RUNX2: variants seen among roughly 807,000 people sequenced by gnomAD.
The protein encoded by RUNX2 is runt-related transcription factor 2.
In RUNX2, 10 loss-of-function variants were observed where a neutral mutation model predicts 51.7. That is an observed-to-expected ratio of 0.19 (90% CI 0.12 to 0.33). The LOEUF (loss-of-function observed/expected upper bound fraction) is 0.33. Among genes scored for constraint, RUNX2 ranks in the 10% least tolerant of loss-of-function variants. The probability of loss-of-function intolerance (pLI) is 1.00; values close to 1 mark genes in which losing one functional copy is unlikely to be tolerated. For missense variants in RUNX2, 562 were observed against 691.3 expected, an observed-to-expected ratio of 0.81 and a Z score of 2.10; for synonymous variants, 276 against 273.6, an observed-to-expected ratio of 1.01 and a Z score of -0.09.
intron 2 of RUNX2, among the ~76,000 whole-genome samples, chr6:45,391,995 C>A (rs1010103946): frequency 3.3e-5 from 5 of 152,152 alleles, no homozygotes; most frequent in African/African-American, 4.8e-5. Context: ...TCACCAGTTT[C>A]CAGTCCTCAT....
intron 5 of RUNX2, among the ~76,000 whole-genome samples, chr6:45,455,169 G>A (rs182140949): frequency 6.6e-6 from 1 of 152,302 alleles, no homozygotes; most frequent in East Asian, 1.9e-4. Context: ...ATGTGGCCAG[G>A]CTGTTGGAAA....
chr6:45,385,484 C>A (rs1797329642), intron 2 of RUNX2, among the ~76,000 whole-genome samples: 1 of 152,130 alleles, frequency 6.6e-6, no homozygotes, highest in South Asian at 2.1e-4. Context: ...TAGGTTTCAC[C>A]CAAAAGCATT....
intron 2 of RUNX2, chr6:45,371,755 T>C (rs1464562287): frequency 1.3e-6 from 1 of 782,688 alleles, no homozygotes; most frequent in Non-Finnish European, 1.6e-6. Flanking sequence ...AAAGAAAATC[T>C]TAGGTAGATG....
chr6:45,499,736 T>C lies in RUNX2; in HGVS notation c.859+7622T>C, dbSNP rs1800746395. 1.3e-5 allele frequency among the ~76,000 whole-genome samples: 2 copies of C among 152,162 alleles called. 1 individual carries two copies. The highest frequency in any genetic ancestry group is 4.8e-5 in the African/African-American group (2 of 41,442). The stretch of plus-strand genomic sequence containing the variant: ...GAATATAAGATGCATAGTTAACACT[T>C]AGTTGTGATAAGAAGGGTTCATCTC... On this transcript the variant is annotated intron_variant, in intron 6 of 8. Coordinates refer to ENST00000647337, the MANE Select transcript of RUNX2 (RefSeq NM_001024630.4).
chr6:45,402,809 C>T (rs1797742233), intron 2 of RUNX2, among the ~76,000 whole-genome samples: 1 of 152,126 alleles, frequency 6.6e-6, no homozygotes, highest in African/African-American at 2.4e-5. Flanking sequence ...GAAATCAAGG[C>T]TACAGTGAGC....
At chr6:45,450,700 T>C (rs1799143659) in intron 5 of RUNX2, among the ~76,000 whole-genome samples, 1 of 152,082 alleles carries the variant, frequency 6.6e-6, no homozygotes, top group Non-Finnish European at 1.5e-5. Context: ...AGAAGCCAGT[T>C]TGAGGAAGAG....
At chr6:45,407,305 C>A (rs1797857586) in intron 2 of RUNX2, among the ~76,000 whole-genome samples, 1 of 152,038 alleles carries the variant, frequency 6.6e-6, no homozygotes, top group Non-Finnish European at 1.5e-5. Flanking sequence ...CTGCCTCGGT[C>A]TCCCAAACTG....
rs78935067 is a variant in RUNX2 at position 45,547,623 on chromosome 6, C to T, written c.*318C>T. On this transcript the variant is annotated 3_prime_UTR_variant, in exon 9 of 9. Transcript: ENST00000647337. ...TTGTTTGGTCTGTTATCATCAATAA[C>T]CTGTTCATATGCCAATTCAGAGAGG... is the stretch of plus-strand genomic sequence containing the variant. 4.9e-3 allele frequency: 1,852 copies of T among 377,198 alleles called. 6 individuals carry two copies. Among genetic ancestry groups the T allele is most frequent in the Middle Eastern group, 0.019 (22 of 1,182 alleles). The allele number at this position is 377,198 out of a possible 1,614,324, so 23.4% of individuals were successfully genotyped here. A position where few individuals can be genotyped will look rare whatever the true frequency, so the allele number is the denominator to read the frequency against.
At chr6:45,443,817 C>T (rs1798909287) in intron 5 of RUNX2, among the ~76,000 whole-genome samples, 1 of 152,136 alleles carries the variant, frequency 6.6e-6, no homozygotes, top group African/African-American at 2.4e-5. Flanking sequence ...CATGACAAGT[C>T]TGTAGCAGAA....
chr6:45,369,465 T>C lies in RUNX2; in HGVS notation c.58+40681T>C, dbSNP rs1795684942. Among the ~76,000 whole-genome samples, 3 of 152,194 alleles carry C rather than the reference T, an allele frequency of 2.0e-5. No homozygotes were observed. In the South Asian group the frequency reaches 6.2e-4, roughly 31 times the overall value. ...ACTAATTATTTTTGTTGAATGAGCC[T>C]CTGTCCCACAGTGAATCCCTCCCCT... On this transcript the variant is annotated intron_variant, in intron 2 of 8. Coordinates refer to ENST00000647337, the MANE Select transcript of RUNX2 (RefSeq NM_001024630.4).
In RUNX2 at chr6:45,546,231, A is replaced by G. The variant is rs560551930; in HGVS notation, c.1088-596A>G. ...CCTATCCACCCCCAGAGAAGTTATGAGTTTCTGGTTTGATTTCACTGTTGC... is the reference window on the plus strand; with the variant it reads ...CCTATCCACCCCCAGAGAAGTTATGGGTTTCTGGTTTGATTTCACTGTTGC... On this transcript the variant is annotated intron_variant, in intron 8 of 8. Coordinates refer to ENST00000647337, the MANE Select transcript of RUNX2 (RefSeq NM_001024630.4). Among the ~76,000 whole-genome samples the G allele has an allele frequency of 1.9e-3, 296 of 152,124 alleles. 2 individuals carry two copies. The highest frequency in any genetic ancestry group is 1.2e-3 in the Non-Finnish European group (82 of 67,994).
intron 7 of RUNX2, among the ~76,000 whole-genome samples, chr6:45,512,813 G>T (rs1801201446): frequency 6.6e-6 from 1 of 151,934 alleles, no homozygotes; most frequent in Admixed American, 6.6e-5. Context: ...ATTCCTAAAG[G>T]CTTATAAGTC....
chr6:45,433,852 T>C (rs577306851), intron 4 of RUNX2, among the ~76,000 whole-genome samples: 1 of 152,200 alleles, frequency 6.6e-6, no homozygotes, highest in Non-Finnish European at 1.5e-5. Flanking sequence ...AAAGCTTCTT[T>C]TGATGAAGTG....
At chr6:45,544,430 C>A (rs1178448258) in intron 7 of RUNX2, among the ~76,000 whole-genome samples, 14 of 152,078 alleles carry the variant, frequency 9.2e-5, no homozygotes. Context: ...CAGGGCCCCA[C>A]ATAAAGAGTT....
At chr6:45,380,864 C>T (rs1395991893) in intron 2 of RUNX2, among the ~76,000 whole-genome samples, 5 of 152,162 alleles carry the variant, frequency 3.3e-5, no homozygotes, top group Admixed American at 1.3e-4. Context: ...TGTCAGCCAC[C>T]GCACCCGGCC....
At chr6:45,390,933 G>C (rs1047037583) in intron 2 of RUNX2, among the ~76,000 whole-genome samples, 1 of 152,126 alleles carries the variant, frequency 6.6e-6, no homozygotes, top group Non-Finnish European at 1.5e-5. Context: ...TATTATTATA[G>C]ATTGGCTTTA....
intron 7 of RUNX2, among the ~76,000 whole-genome samples, chr6:45,539,024 C>T (rs1442137864): frequency 6.6e-6 from 1 of 152,082 alleles, no homozygotes; most frequent in African/African-American, 2.4e-5. Flanking sequence ...ATTTTTCCTC[C>T]CTTTTCTCTC....
chr6:45,407,372 A>G (rs1397286191), intron 2 of RUNX2, among the ~76,000 whole-genome samples: 2 of 152,184 alleles, frequency 1.3e-5, no homozygotes, highest in Non-Finnish European at 2.9e-5. Context: ...ATGCAGGGGA[A>G]ATACCACAGT....
intron 2 of RUNX2, among the ~76,000 whole-genome samples, chr6:45,399,692 CAAAG>C (rs567884098): frequency 2.0e-5 from 3 of 149,550 alleles, no homozygotes; most frequent in Admixed American, 6.6e-5. Flanking sequence ...TTTCACTCTC[CAAAG>C]AAAGAAAGAA....
Sources: allele counts gnomAD v4.1 joint callset (sites outside exome capture counted in the v4.1 genomes callset), GRCh38; gene constraint gnomAD v4.1.1; transcripts MANE v1.5; gene names NCBI Gene and HGNC (gene_info 2026-07-23, HGNC 2026-07-21).